CLMN: variants seen among roughly 807,000 people sequenced by gnomAD.
The protein encoded by CLMN is calmin.
In CLMN, 57 loss-of-function variants were observed where a neutral mutation model predicts 92.7. The observed-to-expected ratio is 0.61, with a 90% confidence interval of 0.50 to 0.77. CLMN has a LOEUF of 0.77. CLMN is among the 30% of genes least tolerant of loss of function. CLMN has a pLI of 0.00. For missense variants in CLMN, 1,158 were observed against 1,237.5 expected (o/e 0.94, Z 0.96); for synonymous variants, 466 against 470.6 (o/e 0.99, Z 0.13).
intron 1 of CLMN, among the ~76,000 whole-genome samples, chr14:95,275,503 T>C (rs1203460648): frequency 6.6e-6 from 1 of 152,170 alleles, no homozygotes; most frequent in Non-Finnish European, 1.5e-5. Context: ...CCATATGGTC[T>C]AAAAAGGGGA....
chr14:95,242,246 T>G (rs1320209669), intron 1 of CLMN, among the ~76,000 whole-genome samples: 3 of 136,234 alleles, frequency 2.2e-5, no homozygotes, highest in Non-Finnish European at 4.5e-5. Context: ...TCTTTTTTCT[T>G]TTTCTTTTTT....
At chr14:95,199,923 C>A (rs1187621) in intron 9 of CLMN, among the ~76,000 whole-genome samples, 18,493 of 151,780 alleles carry the variant, frequency 0.12, 1,604 homozygotes, top group East Asian at 0.43. Context: ...CAGGTTAGAG[C>A]GGGAAGAGTC....
intron 10 of CLMN, among the ~76,000 whole-genome samples, chr14:95,195,396 T>C (rs566483800): frequency 6.6e-6 from 1 of 152,306 alleles, no homozygotes; most frequent in East Asian, 1.9e-4. Flanking sequence ...CCTTCTGTTG[T>C]GCCTTGGCCC....
intron 1 of CLMN, among the ~76,000 whole-genome samples, chr14:95,272,034 C>T (rs556753756): frequency 5.1e-4 from 78 of 152,358 alleles, no homozygotes; most frequent in African/African-American, 1.9e-3. Flanking sequence ...TGCAATTAAT[C>T]TATCCCTTCT....
chr14:95,202,832 G>C lies in CLMN; in HGVS notation c.2511+6C>G, dbSNP rs1896921518. ...CCCAGGGTTCCCAAATCCCACGGTT[G>C]AGTACCTGATGGCTGTCCATGGGGT... is the stretch of plus-strand genomic sequence containing the variant. On this transcript the variant is annotated splice_donor_region_variant and intron_variant, in intron 9 of 12. Coordinates refer to ENST00000298912, the MANE Select transcript of CLMN (RefSeq NM_024734.4). The C allele has an allele frequency of 6.6e-7, 1 of 1,518,806 alleles. No homozygotes were observed. The highest frequency in any genetic ancestry group is 1.4e-5 in the African/African-American group (1 of 71,654). The allele number at this position is 1,518,806 out of a possible 1,614,324, so 94.1% of individuals were successfully genotyped here. A position where few individuals can be genotyped will look rare whatever the true frequency, so the allele number is the denominator to read the frequency against.
intron 1 of CLMN, among the ~76,000 whole-genome samples, chr14:95,299,521 G>A (rs770869240): frequency 6.6e-6 from 1 of 152,198 alleles, no homozygotes; most frequent in African/African-American, 2.4e-5. Flanking sequence ...ATGAGAGCAG[G>A]GCTGCTGTCC....
intron 7 of CLMN, among the ~76,000 whole-genome samples, chr14:95,210,155 T>A (rs892193138): frequency 6.6e-6 from 1 of 151,980 alleles, no homozygotes; most frequent in African/African-American, 2.4e-5. Context: ...CGGACTCAAG[T>A]GATTCTCCTG....
Position 95,203,333 on chromosome 14 carries a change from T to C in CLMN, c.2016A>G (p.Glu672=). 1.2e-6 allele frequency: 2 copies of C among 1,614,130 alleles called. No individual in the cohort carries two copies. Among genetic ancestry groups the C allele is most frequent in the Non-Finnish European group, 1.7e-6 (2 of 1,180,016 alleles). Residue 672 remains glutamate (E), a synonymous_variant, in exon 9 of 13, where the codon GAA becomes GAG. Coordinates refer to ENST00000298912, the MANE Select transcript of CLMN (RefSeq NM_024734.4). Reference sequence around the variant, plus strand: ...CCTGGAGGTCATCGTCTTCTCCCTCTTCCTCATAATGAGGACGGGTGGACT... The same window carrying C: ...CCTGGAGGTCATCGTCTTCTCCCTCCTCCTCATAATGAGGACGGGTGGACT... The part of the protein sequence containing the change: ...KRKSTRPHYE[E]EGEDDDLQGV...
intron 1 of CLMN, among the ~76,000 whole-genome samples, chr14:95,271,350 T>G (rs1367852947): frequency 2.0e-5 from 3 of 152,230 alleles, no homozygotes; most frequent in Non-Finnish European, 4.4e-5. Flanking sequence ...CAAATTATTC[T>G]GAACGATTCA....
At chr14:95,220,071 G>A (rs868650824) in intron 4 of CLMN, among the ~76,000 whole-genome samples, 19 of 150,618 alleles carry the variant, frequency 1.3e-4, no homozygotes, top group Middle Eastern at 3.4e-3. Context: ...GGTCCTTTGC[G>A]TCTGGCTTCT....
chr14:95,305,533 C>A (rs112460298), intron 1 of CLMN, among the ~76,000 whole-genome samples: 1 of 151,934 alleles, frequency 6.6e-6, no homozygotes, highest in Non-Finnish European at 1.5e-5. Flanking sequence ...CAAAAGGGAT[C>A]AAAAAATAGA....
At chr14:95,202,758 G>A in intron 9 of CLMN, 80 bp downstream of exon 9, 1 of 1,410,564 alleles carries the variant, frequency 7.1e-7, no homozygotes, top group East Asian at 2.4e-5. Context: ...ATTTTATGGA[G>A]CAAGAAGCTG....
intron 4 of CLMN, among the ~76,000 whole-genome samples, chr14:95,218,531 C>T (rs536994183): frequency 3.9e-5 from 6 of 152,338 alleles, no homozygotes; most frequent in South Asian, 4.1e-4. Context: ...TTCTGGGCAC[C>T]GCTTTAGCTC....
chr14:95,232,969 G>C (rs755498249), intron 1 of CLMN, among the ~76,000 whole-genome samples: 1 of 152,138 alleles, frequency 6.6e-6, no homozygotes, highest in Non-Finnish European at 1.5e-5. Flanking sequence ...TTTCTTACCC[G>C]TGACAACTAA....
At position 95,194,716 on chromosome 14, in the gene CLMN, C is replaced by T; in HGVS notation, c.2709-120G>A. 1.2e-6 allele frequency: 1 copy of T among 846,542 alleles called. No homozygotes were observed. Among genetic ancestry groups the T allele is most frequent in the Non-Finnish European group, 2.0e-6 (1 of 503,882 alleles). 52.4% of individuals were successfully genotyped at this position (846,542 alleles called of 1,614,324 possible). On this transcript the variant is annotated intron_variant, in intron 10 of 12. Coordinates refer to ENST00000298912, the MANE Select transcript of CLMN (RefSeq NM_024734.4). This position sits in a 1 kb window ranked among gnomAD's most constrained non-coding sequence, Gnocchi z 4.0. ...GTTTAGGCAAGCGACAACTTCACAG[C>T]CAGGGACAGAAATGACAGATTTTAT...
At chr14:95,298,068 G>A (rs772570135) in intron 1 of CLMN, among the ~76,000 whole-genome samples, 4 of 152,042 alleles carry the variant, frequency 2.6e-5, no homozygotes, top group African/African-American at 4.8e-5. Context: ...GGCCTTGCCC[G>A]CACTGGGATG....
chr14:95,249,163 G>A lies in CLMN; in HGVS notation c.83-19030C>T, dbSNP rs115539623. On this transcript the variant is annotated intron_variant, in intron 1 of 12. Coordinates refer to ENST00000298912, the MANE Select transcript of CLMN (RefSeq NM_024734.4). ...GGCTTAACACTATTTTGACCACATT[G>A]TGTGTGCACCAGTAAGGTATGCTGC... 5.6e-3 allele frequency among the ~76,000 whole-genome samples: 847 copies of A among 152,276 alleles called. 5 individuals are homozygous for A. The highest frequency in any genetic ancestry group is 0.02 in the African/African-American group (814 of 41,548).
chr14:95,313,515 TA>T (rs1483879842), intron 1 of CLMN, among the ~76,000 whole-genome samples: 1 of 152,158 alleles, frequency 6.6e-6, no homozygotes, highest in African/African-American at 2.4e-5. Flanking sequence ...CCTACTCCGA[TA>T]GAAAGAAAGT....
intron 1 of CLMN, among the ~76,000 whole-genome samples, chr14:95,280,858 TA>T (rs1900119634): frequency 6.6e-6 from 1 of 152,220 alleles, no homozygotes; most frequent in African/African-American, 2.4e-5. Flanking sequence ...AATGGTTATC[TA>T]AAATTGTTAC....
Sources: gnomAD v4.1 joint callset for allele counts (sites outside exome capture counted in the v4.1 genomes callset) on GRCh38, gnomAD v4.1.1 for gene constraint, Gnocchi (gnomAD v3.1) non-coding constraint, MANE v1.5 for transcripts, NCBI Gene and HGNC (gene_info 2026-07-23, HGNC 2026-07-21) for gene names.